UPP2: variants seen among roughly 807,000 people sequenced by gnomAD.
UPP2 encodes UPase 2.
UPP2 carries 23 observed loss-of-function variants against 26.7 expected under a neutral mutation model. The observed-to-expected ratio is 0.86, with a 90% CI of 0.62 to 1.22. The LOEUF is 1.22. UPP2 is among the 50% of genes most tolerant of loss of function. UPP2 has a pLI of 0.00. For missense variants in UPP2, 387 were observed against 396.7 expected (o/e 0.98, Z 0.21); for synonymous variants, 127 against 141.3 (o/e 0.90, Z 0.72).
At chr2:158,094,083 T>C (rs1312577825) in intron 3 of UPP2, among the ~76,000 whole-genome samples, 1 of 151,720 alleles carries the variant, frequency 6.6e-6, no homozygotes, top group Non-Finnish European at 1.5e-5. Flanking sequence ...AACCTGCTCA[T>C]GTAGTTATTA....
intron 3 of UPP2, among the ~76,000 whole-genome samples, chr2:158,074,690 T>TACACATACACAC (rs372083360): frequency 2.2e-5 from 3 of 135,404 alleles, no homozygotes; most frequent in African/African-American, 5.6e-5. Flanking sequence ...AAGACCTTCA[T>TACACATACACAC]ACACACACAC....
intron 3 of UPP2, among the ~76,000 whole-genome samples, chr2:158,074,881 A>C (rs1222159733): frequency 2.0e-5 from 3 of 151,624 alleles, no homozygotes; most frequent in African/African-American, 7.3e-5. Flanking sequence ...CAAAAAAGGC[A>C]CTTCACCTAT....
At chr2:158,054,210 A>G (rs892295886) in intron 3 of UPP2, among the ~76,000 whole-genome samples, 2 of 152,158 alleles carry the variant, frequency 1.3e-5, no homozygotes, top group Non-Finnish European at 2.9e-5. Flanking sequence ...ATGAGCTTAG[A>G]TGGTGCCACT....
chr2:158,104,470 G>T (rs1218045138), intron 1 of UPP2, among the ~76,000 whole-genome samples: 1 of 152,158 alleles, frequency 6.6e-6, no homozygotes, highest in Admixed American at 6.5e-5. Flanking sequence ...AAAATACAGA[G>T]TGTCTAAATT....
upstream of UPP2, among the ~76,000 whole-genome samples, chr2:158,097,056 A>G (rs1427283476): frequency 6.6e-6 from 1 of 151,982 alleles, no homozygotes; most frequent in Non-Finnish European, 1.5e-5. Context: ...ATATATATTA[A>G]ATATTTTATA....
In UPP2 at chr2:158,102,052, A is replaced by G; in HGVS notation, c.-12A>G. ...ACATCAATTTAAGGTGACTTTTCACATAGTAGAGAGAATGGCTTCAGTTAT... is the reference window on the plus strand; with the variant it reads ...ACATCAATTTAAGGTGACTTTTCACGTAGTAGAGAGAATGGCTTCAGTTAT... On this transcript the variant is annotated 5_prime_UTR_variant, in exon 1 of 7. Transcript: ENST00000005756. 2 of 1,613,086 alleles carry G rather than the reference A, an allele frequency of 1.2e-6. No homozygotes were observed. Among genetic ancestry groups the G allele is most frequent in the Non-Finnish European group, 1.7e-6 (2 of 1,179,578 alleles).
chr2:158,132,798 A>G (rs1683847262), intron 6 of UPP2, among the ~76,000 whole-genome samples: 1 of 152,206 alleles, frequency 6.6e-6, no homozygotes, highest in East Asian at 1.9e-4. Context: ...TCATCAGGGA[A>G]ATGCAAATTA....
At chr2:158,121,237 A>T (rs1683559772) in intron 4 of UPP2, among the ~76,000 whole-genome samples, 172 bp from the exon 5 acceptor site, 1 of 152,050 alleles carries the variant, frequency 6.6e-6, no homozygotes, top group Non-Finnish European at 1.5e-5. Context: ...AACAAATGTA[A>T]ATGCCTCTTC....
At chr2:158,078,149 T>C (rs1332535185) in intron 3 of UPP2, among the ~76,000 whole-genome samples, 1 of 152,024 alleles carries the variant, frequency 6.6e-6, no homozygotes, top group East Asian at 1.9e-4. Flanking sequence ...CTAGGAAGGA[T>C]ATGGAGAAAA....
At chr2:158,051,622 A>C (rs900160107) in intron 3 of UPP2, among the ~76,000 whole-genome samples, 12 of 152,100 alleles carry the variant, frequency 7.9e-5, no homozygotes, top group Non-Finnish European at 2.9e-5. Flanking sequence ...CTCTACTAAA[A>C]GTACAAAAAT....
chr2:158,043,982 T>C (rs889217166), intron 3 of UPP2, among the ~76,000 whole-genome samples: 8 of 152,172 alleles, frequency 5.3e-5, no homozygotes, highest in African/African-American at 1.9e-4. Flanking sequence ...GGAGTGCAGA[T>C]CAAATGAGCT....
chr2:158,130,473 A>C (rs1191105312), intron 6 of UPP2, among the ~76,000 whole-genome samples: 1 of 150,796 alleles, frequency 6.6e-6, no homozygotes, highest in Non-Finnish European at 1.5e-5. Flanking sequence ...AAAAAAAAAA[A>C]ACCACTGTGC....
intron 4 of UPP2, among the ~76,000 whole-genome samples, chr2:158,118,826 T>C (rs1683498387): frequency 6.6e-6 from 1 of 151,938 alleles, no homozygotes; most frequent in African/African-American, 2.4e-5. Flanking sequence ...GGAGAAGTGG[T>C]GTGTTCAACA....
intron 3 of UPP2, among the ~76,000 whole-genome samples, chr2:158,083,172 G>T (rs1461260088): frequency 6.6e-6 from 1 of 152,154 alleles, no homozygotes; most frequent in African/African-American, 2.4e-5. Context: ...TCTAGAATCA[G>T]AAATACCATT....
At chr2:158,042,432 A>C (rs13023991) in intron 3 of UPP2, among the ~76,000 whole-genome samples, 48,845 of 151,974 alleles carry the variant, frequency 0.32, 8,683 homozygotes, top group African/African-American at 0.48. Context: ...CCCCCATCTT[A>C]AAACAAGCTC....
At chr2:158,047,046 G>C (rs1012858341) in intron 3 of UPP2, among the ~76,000 whole-genome samples, 1 of 152,196 alleles carries the variant, frequency 6.6e-6, no homozygotes, top group African/African-American at 2.4e-5. Context: ...GTTATAAATA[G>C]AGAAATCAGC....
At chr2:158,110,484 T>G (rs1683295944) in intron 2 of UPP2, among the ~76,000 whole-genome samples, 1 of 152,192 alleles carries the variant, frequency 6.6e-6, no homozygotes, top group African/African-American at 2.4e-5. Context: ...AACAGCATGA[T>G]TTATAATCCT....
chr2:158,110,835 A>C (rs1683304457), intron 2 of UPP2, among the ~76,000 whole-genome samples: 1 of 152,116 alleles, frequency 6.6e-6, no homozygotes, highest in Non-Finnish European at 1.5e-5. Flanking sequence ...GTCTGTTCAT[A>C]TCCTTCGCCC....
rs147880746 is a variant in UPP2 at position 158,027,725 on chromosome 2, T to G, written c.147+11839T>G. On this transcript the variant is annotated intron_variant, in intron 3 of 9. Coordinates refer to the UPP2 transcript ENST00000605860. The stretch of plus-strand genomic sequence containing the variant: ...GCACTGACCTAGCAGTAATTCTCCA[T>G]GAGTGCCCCACCCCTGCAGCAAACT... 5.3e-5 allele frequency among the ~76,000 whole-genome samples: 8 copies of G among 152,322 alleles called. No homozygotes were observed. In the East Asian group the frequency reaches 1.5e-3, roughly 29 times the overall value.
Sources: allele counts gnomAD v4.1 joint callset (sites outside exome capture counted in the v4.1 genomes callset), GRCh38; gene constraint gnomAD v4.1.1; transcripts MANE v1.5; gene names NCBI Gene and HGNC (gene_info 2026-07-23, HGNC 2026-07-21).